Variants in SCGB2B2 observed in about 807,000 individuals in gnomAD.
SCGB2B2 encodes secretoglobin family 2B member 2.
Under a neutral mutation model 7.6 loss-of-function variants are expected in SCGB2B2, and 11 were observed. The ratio of observed to expected loss-of-function variants is 1.45; its 90% confidence interval spans 0.91 to 2.40. The LOEUF (loss-of-function observed/expected upper bound fraction) is 2.40. SCGB2B2 is among the 30% of genes most tolerant of loss of function. The pLI is 0.00. For missense variants in SCGB2B2, 104 were observed against 115.4 expected, an observed-to-expected ratio of 0.90 and a Z score of 0.45; for synonymous variants, 50 against 48.6, an observed-to-expected ratio of 1.03 and a Z score of -0.12.
the SCGB2B2 span, among the ~76,000 whole-genome samples, chr19:34,585,541 A>G: frequency 0.024 from 3,677 of 152,286 alleles, 136 homozygotes; most frequent in African/African-American, 0.083. Flanking sequence ...GCAGTAAAGA[A>G]AGAGTTTAAT....
At chr19:34,673,688 G>T (rs2067854990) in intron 1 of SCGB2B2, among the ~76,000 whole-genome samples, 1 of 152,202 alleles carries the variant, frequency 6.6e-6, no homozygotes, top group Non-Finnish European at 1.5e-5. Context: ...ATTCCAGTGT[G>T]TAAGTACATC....
intron 1 of SCGB2B2, among the ~76,000 whole-genome samples, chr19:34,611,924 A>G (rs1054760531): frequency 6.7e-6 from 1 of 149,508 alleles, no homozygotes; most frequent in African/African-American, 2.5e-5. Context: ...AAGTGCTGGG[A>G]TTACAGGCAT....
At chr19:34,666,376 AC>A (rs2067622212) in intron 1 of SCGB2B2, among the ~76,000 whole-genome samples, 1 of 151,956 alleles carries the variant, frequency 6.6e-6, no homozygotes, top group Non-Finnish European at 1.5e-5. Flanking sequence ...CTACTCACAC[AC>A]ACACAATCCC....
At position 34,648,323 on chromosome 19, in the gene SCGB2B2, C is replaced by A. The variant is rs550803485; in HGVS notation, c.-2032+27307G>T. 3.3e-5 allele frequency among the ~76,000 whole-genome samples: 5 copies of A among 152,270 alleles called. No individual in the cohort carries two copies. In the South Asian group the frequency reaches 1.0e-3, roughly 32 times the overall value. On this transcript the variant is annotated intron_variant, in intron 1 of 3. Transcript: ENST00000601241. The stretch of plus-strand genomic sequence containing the variant: ...TGTTATTTAATTCAGACACACATAA[C>A]ATTCAGCTTTTAACGATCAAAGGCC...
intron 1 of SCGB2B2, among the ~76,000 whole-genome samples, chr19:34,597,698 C>A (rs1324753922): frequency 6.6e-6 from 1 of 152,212 alleles, no homozygotes; most frequent in East Asian, 1.9e-4. Flanking sequence ...GCCTTCCCTG[C>A]ACCCTCATGG....
At chr19:34,610,698 G>A (rs902731335) in intron 1 of SCGB2B2, among the ~76,000 whole-genome samples, 3 of 150,508 alleles carry the variant, frequency 2.0e-5, no homozygotes, top group Non-Finnish European at 4.4e-5. Flanking sequence ...TTGCTAAGCT[G>A]TTGAGGTTGG....
At chr19:34,597,669 G>C (rs2065497782) in intron 1 of SCGB2B2, among the ~76,000 whole-genome samples, 3 of 152,186 alleles carry the variant, frequency 2.0e-5, no homozygotes, top group African/African-American at 7.2e-5. Flanking sequence ...GAGGGGCCTG[G>C]GCACAGGAGG....
At chr19:34,668,063 G>A (rs1049956113) in intron 1 of SCGB2B2, among the ~76,000 whole-genome samples, 4 of 152,248 alleles carry the variant, frequency 2.6e-5, no homozygotes, top group Non-Finnish European at 4.4e-5. Flanking sequence ...CTCTCTCGGC[G>A]CCTCCTCTGC....
chr19:34,658,684 T>C (rs1031115988), intron 1 of SCGB2B2, among the ~76,000 whole-genome samples: 1 of 151,948 alleles, frequency 6.6e-6, no homozygotes, highest in African/African-American at 2.4e-5. Context: ...AAAGAGGAGC[T>C]GGTACCATTC....
chr19:34,654,425 C>T (rs1002646375), intron 1 of SCGB2B2, among the ~76,000 whole-genome samples: 6 of 151,076 alleles, frequency 4.0e-5, no homozygotes, highest in Non-Finnish European at 5.9e-5. Context: ...AAATTATACA[C>T]TTTAGATAAA....
At chr19:34,661,344 A>G (rs2067451500) in intron 1 of SCGB2B2, among the ~76,000 whole-genome samples, 1 of 152,232 alleles carries the variant, frequency 6.6e-6, no homozygotes, top group East Asian at 1.9e-4. Context: ...TATTGTGATA[A>G]AATAAGGGAG....
chr19:34,660,467 G>C (rs2067421736), intron 1 of SCGB2B2, among the ~76,000 whole-genome samples: 1 of 152,146 alleles, frequency 6.6e-6, no homozygotes, highest in Non-Finnish European at 1.5e-5. Flanking sequence ...ATCAAAAAGT[G>C]GGCAAAGGAT....
chr19:34,649,850 A>C (rs2067118605), intron 1 of SCGB2B2, among the ~76,000 whole-genome samples: 1 of 151,020 alleles, frequency 6.6e-6, no homozygotes, highest in Non-Finnish European at 1.5e-5. Flanking sequence ...TGTGCACCCC[A>C]GCTTTCCACT....
chr19:34,594,138 C>T (rs200025186), intron 3 of SCGB2B2, 37 bp downstream of exon 3: 2 of 1,547,738 alleles, frequency 1.3e-6, no homozygotes, highest in African/African-American at 1.4e-5. Flanking sequence ...GGACGTGTGG[C>T]CATGTAGTGT....
At chr19:34,608,685 A>ATATATATATATATATATATG (rs1489127995) in intron 1 of SCGB2B2, 7 of 131,510 alleles carry the variant, frequency 5.3e-5, no homozygotes, top group African/African-American at 1.9e-4. Flanking sequence ...ATATATATAT[A>ATATATATATATATATATATG]CCGTATTTTC....
downstream of SCGB2B2, among the ~76,000 whole-genome samples, chr19:34,585,979 G>T (rs578089293): frequency 1.1e-3 from 174 of 152,232 alleles, 1 homozygote; most frequent in African/African-American, 4.0e-3. Flanking sequence ...AAGTATAGTT[G>T]ACATATAACA....
chr19:34,598,263 C>A (rs73926885), intron 1 of SCGB2B2, among the ~76,000 whole-genome samples: 2 of 152,020 alleles, frequency 1.3e-5, no homozygotes, highest in Non-Finnish European at 2.9e-5. Context: ...GAGCAGTGTG[C>A]GGCACACTGG....
At chr19:34,649,709 C>G (rs1016542851) in intron 1 of SCGB2B2, among the ~76,000 whole-genome samples, 1 of 151,894 alleles carries the variant, frequency 6.6e-6, no homozygotes, top group Non-Finnish European at 1.5e-5. Context: ...AAAATTTTAG[C>G]TGGGTGTGGT....
intron 1 of SCGB2B2, among the ~76,000 whole-genome samples, chr19:34,602,602 G>C (rs1295134343): frequency 6.6e-6 from 1 of 152,164 alleles, no homozygotes; most frequent in South Asian, 2.1e-4. Context: ...AAAGGAAGAG[G>C]AGGGTGAGAT....
Sources: gnomAD v4.1 joint callset for allele counts (sites outside exome capture counted in the v4.1 genomes callset) on GRCh38, gnomAD v4.1.1 for gene constraint, MANE v1.5 for transcripts, NCBI Gene and HGNC (gene_info 2026-07-23, HGNC 2026-07-21) for gene names.